Variants in SAMD5 observed in about 807,000 individuals in gnomAD.
SAMD5 encodes the protein sterile alpha motif domain-containing protein 5.
SAMD5 carries 13 observed loss-of-function variants against 11.3 expected under a neutral mutation model. That is an observed-to-expected ratio of 1.15 (90% CI 0.75 to 1.83). The LOEUF (loss-of-function observed/expected upper bound fraction) is 1.83, where lower values mean the gene tolerates loss of function less well. SAMD5 is among the 40% of genes most tolerant of loss of function. The probability of loss-of-function intolerance (pLI) is 0.00; values close to 1 mark genes in which losing one functional copy is unlikely to be tolerated. For missense variants in SAMD5, 255 were observed against 239.1 expected (o/e 1.07, Z -0.44); for synonymous variants, 129 against 111.3 (o/e 1.16, Z -1.00).
the SAMD5 span, among the ~76,000 whole-genome samples, chr6:147,763,764 AG>A: frequency 1.3e-5 from 2 of 151,612 alleles, no homozygotes; most frequent in African/African-American, 4.8e-5. Context: ...TTGTATTTTT[AG>A]TAGAGACGGG....
chr6:147,638,735 T>C (rs941357590), intron 1 of SAMD5, among the ~76,000 whole-genome samples: 1 of 152,224 alleles, frequency 6.6e-6, no homozygotes, highest in Non-Finnish European at 1.5e-5. Flanking sequence ...ATGGAATAAA[T>C]TGAATGCAGA....
the SAMD5 span, among the ~76,000 whole-genome samples, chr6:147,792,753 TAAC>T: frequency 6.6e-6 from 1 of 152,042 alleles, no homozygotes; most frequent in Non-Finnish European, 1.5e-5. Context: ...GAAACATGAT[TAAC>T]AACAACAAAA....
At chr6:147,667,786 CACAA>C (rs201225136) in intron 1 of SAMD5, among the ~76,000 whole-genome samples, 1,846 of 152,164 alleles carry the variant, frequency 0.012, 43 homozygotes, top group African/African-American at 0.043. Context: ...TCTCTTTCTT[CACAA>C]ACAGTTTAAA....
intron 1 of SAMD5, among the ~76,000 whole-genome samples, chr6:147,588,041 T>C (rs1419274365): frequency 1.3e-5 from 2 of 152,134 alleles, no homozygotes; most frequent in Non-Finnish European, 2.9e-5. Context: ...TTGAAGGAGA[T>C]ATGTGTGTGC....
chr6:147,591,903 T>C (rs1789460248), intron 1 of SAMD5, among the ~76,000 whole-genome samples: 1 of 151,948 alleles, frequency 6.6e-6, no homozygotes, highest in South Asian at 2.1e-4. Context: ...CAGGAGGCGG[T>C]TTCCCTCAGC....
the SAMD5 span, among the ~76,000 whole-genome samples, chr6:147,870,880 A>G: frequency 4.6e-5 from 7 of 152,228 alleles, no homozygotes; most frequent in South Asian, 1.5e-3. Context: ...ATCCAGGCTT[A>G]TGAAATAGCA....
chr6:147,943,147 AGT>A, the SAMD5 span, among the ~76,000 whole-genome samples: 1 of 152,134 alleles, frequency 6.6e-6, no homozygotes, highest in Non-Finnish European at 1.5e-5. Context: ...CTTGCCTGAG[AGT>A]ATGAATCCCA....
At chr6:147,531,155 G>GTT (rs59924294) in intron 1 of SAMD5, among the ~76,000 whole-genome samples, 3 of 143,902 alleles carry the variant, frequency 2.1e-5, no homozygotes, top group Admixed American at 6.9e-5. Flanking sequence ...AGTCTTAAAA[G>GTT]TTTTTTTTTT....
intron 1 of SAMD5, among the ~76,000 whole-genome samples, chr6:147,519,589 T>G (rs1042963348): frequency 6.6e-6 from 1 of 152,222 alleles, no homozygotes; most frequent in South Asian, 2.1e-4. Context: ...GTTTGCTCAT[T>G]TTTATATATC....
At chr6:147,644,406 C>CTCTA (rs1790366096) in intron 1 of SAMD5, among the ~76,000 whole-genome samples, 1 of 152,062 alleles carries the variant, frequency 6.6e-6, no homozygotes. Context: ...TTTTTGAAGT[C>CTCTA]TCTAAAATAA....
At position 147,569,234 on chromosome 6, in the gene SAMD5, A is replaced by G. The variant is rs60170428; in HGVS notation, c.*4778A>G. ...AGACTCTGTCTAAAAAAAAAAAAAA[A>G]AGAAAAGAAAAAAGAAAAATTGAAG... is the stretch of plus-strand genomic sequence containing the variant. On this transcript the variant is annotated 3_prime_UTR_variant, in exon 2 of 2. Coordinates refer to ENST00000367474, the MANE Select transcript of SAMD5 (RefSeq NM_001030060.3). 0.044 allele frequency: 15,193 copies of G among 347,846 alleles called. 1,014 individuals are homozygous for G. Among genetic ancestry groups the G allele is most frequent in the African/African-American group, 0.21 (9,033 of 43,836 alleles). The allele number at this position is 347,846 out of a possible 1,614,324, so 21.5% of individuals were successfully genotyped here.
At chr6:147,598,098 T>C (rs1378813395) in intron 1 of SAMD5, among the ~76,000 whole-genome samples, 1 of 121,280 alleles carries the variant, frequency 8.2e-6, no homozygotes, top group Non-Finnish European at 2.0e-5. Flanking sequence ...TTTTCTTTTC[T>C]TTTTTTTTTT....
intron 1 of SAMD5, among the ~76,000 whole-genome samples, chr6:147,685,318 T>A (rs2128456582): frequency 6.6e-6 from 1 of 152,296 alleles, no homozygotes; most frequent in South Asian, 2.1e-4. Flanking sequence ...TGACTCAGCC[T>A]CCTGAGTAGC....
chr6:147,717,767 T>C (rs1664708570), intron 1 of SAMD5, among the ~76,000 whole-genome samples: 1 of 152,058 alleles, frequency 6.6e-6, no homozygotes, highest in African/African-American at 2.4e-5. Flanking sequence ...TACTTGAACC[T>C]GGGAGGTGGA....
the SAMD5 span, among the ~76,000 whole-genome samples, chr6:147,822,178 T>C: frequency 0.089 from 13,517 of 152,206 alleles, 967 homozygotes; most frequent in African/African-American, 0.2. Context: ...AACAACATTA[T>C]TGTAATGTGA....
chr6:147,606,714 T>G (rs1789707244), intron 1 of SAMD5, among the ~76,000 whole-genome samples: 2 of 151,672 alleles, frequency 1.3e-5, no homozygotes, highest in African/African-American at 2.4e-5. Context: ...AATATAAATA[T>G]GTATAAAATA....
At chr6:147,735,943 A>G (rs1467651286) in intron 1 of SAMD5, among the ~76,000 whole-genome samples, 1 of 152,152 alleles carries the variant, frequency 6.6e-6, no homozygotes, top group Non-Finnish European at 1.5e-5. Flanking sequence ...AACCTTGAGC[A>G]TCATTTTAAA....
At chr6:147,821,504 C>T in the SAMD5 span, among the ~76,000 whole-genome samples, 3 of 152,188 alleles carry the variant, frequency 2.0e-5, no homozygotes, top group African/African-American at 7.2e-5. Context: ...GGCTTTGCTC[C>T]AGAATCAAAT....
the SAMD5 span, among the ~76,000 whole-genome samples, chr6:147,928,458 G>T: frequency 2.0e-5 from 3 of 152,088 alleles, no homozygotes; most frequent in Non-Finnish European, 4.4e-5. Context: ...TCACATACAG[G>T]TGTTTGTAAT....
Sources: gnomAD v4.1 joint callset for allele counts (sites outside exome capture counted in the v4.1 genomes callset) on GRCh38, gnomAD v4.1.1 for gene constraint, MANE v1.5 for transcripts, NCBI Gene and HGNC (gene_info 2026-07-23, HGNC 2026-07-21) for gene names.